SMCHD1: variants seen among roughly 807,000 people sequenced by gnomAD.
The protein encoded by SMCHD1 is structural maintenance of chromosomes flexible hinge domain-containing protein 1.
A neutral mutation model predicts 254.7 loss-of-function variants in SMCHD1; 78 were observed. The ratio of observed to expected loss-of-function variants is 0.31; its 90% CI spans 0.26 to 0.37. SMCHD1 has a LOEUF of 0.37. Ranked by LOEUF, SMCHD1 falls within the 10% of genes least tolerant of loss-of-function variation. SMCHD1 has a pLI of 1.00. For missense variants in SMCHD1, 1,840 were observed against 2,408.1 expected (o/e 0.76, Z 4.94); for synonymous variants, 766 against 794.9 (o/e 0.96, Z 0.61).
chr18:2,788,629 G>C (rs1163218754), intron 45 of SMCHD1, among the ~76,000 whole-genome samples: 1 of 151,916 alleles, frequency 6.6e-6, no homozygotes, highest in African/African-American at 2.4e-5. Context: ...TTTTGAGACA[G>C]AGTCTCGCTC....
At chr18:2,739,664 A>T in intron 27 of SMCHD1, 144 bp downstream of exon 27, 1 of 612,448 alleles carries the variant, frequency 1.6e-6, no homozygotes, top group Non-Finnish European at 2.8e-6. Context: ...GTCAGATAAG[A>T]TTGAAGTATT....
chr18:2,752,497 T>A lies in SMCHD1; in HGVS notation c.4291T>A (p.Phe1431Ile). Residue 1431 changes from phenylalanine (F) to isoleucine (I), a missense_variant, in exon 34 of 48, where the codon TTT becomes ATT. Coordinates refer to ENST00000320876, the MANE Select transcript of SMCHD1 (RefSeq NM_015295.3). ...GNRPPANAET[F>I]SCNKIKDNDK... ...CTACTCCCCTTTCTAGGCAGAAACATTTAGTTGTAATAAAATAAAAGATAA... is the reference window on the plus strand; with the variant it reads ...CTACTCCCCTTTCTAGGCAGAAACAATTAGTTGTAATAAAATAAAAGATAA... 6.2e-7 allele frequency: 1 copy of A among 1,601,436 alleles called. No individual in the cohort carries two copies. The highest frequency in any genetic ancestry group is 8.6e-7 in the Non-Finnish European group (1 of 1,169,108).
At chr18:2,784,318 C>A (rs1395836112) in intron 44 of SMCHD1, 132 bp from the exon 45 acceptor site, 2 of 683,440 alleles carry the variant, frequency 2.9e-6, no homozygotes, top group Non-Finnish European at 4.6e-6. Flanking sequence ...TTACATATTG[C>A]TAGTTACTAA....
At chr18:2,680,085 T>G (rs1009038231) in intron 5 of SMCHD1, among the ~76,000 whole-genome samples, 1 of 152,124 alleles carries the variant, frequency 6.6e-6, no homozygotes, top group Non-Finnish European at 1.5e-5. Context: ...CTCTGTTTGG[T>G]GAAATACATT....
intron 21 of SMCHD1, 56 bp downstream of exon 21, chr18:2,725,051 TA>T: frequency 9.4e-7 from 1 of 1,064,750 alleles, no homozygotes; most frequent in Non-Finnish European, 1.3e-6. Flanking sequence ...TATCATATGG[TA>T]AGAATGAAAT....
chr18:2,770,718 T>A (rs1266608216), intron 39 of SMCHD1, among the ~76,000 whole-genome samples: 1 of 152,150 alleles, frequency 6.6e-6, no homozygotes, highest in Non-Finnish European at 1.5e-5. Context: ...CCTCCCAAGT[T>A]CAAGTGATTC....
rs745488681 is a variant in SMCHD1 at position 2,732,534 on chromosome 18, A to G, written c.3276+42A>G. The G allele has an allele frequency of 5.1e-5, 67 of 1,323,544 alleles. No individual in the cohort carries two copies. In the Admixed American group the frequency reaches 8.0e-4, roughly 16 times the overall value. 82.0% of individuals were successfully genotyped at this position (1,323,544 alleles called of 1,614,324 possible). On this transcript the variant is annotated intron_variant, in intron 25 of 47. Transcript: ENST00000320876. ...GATTGGTTATTTGTAAGAACTTTTTAAATTTTATGTTTGTAAGACTGAACA... is the reference window on the plus strand; with the variant it reads ...GATTGGTTATTTGTAAGAACTTTTTGAATTTTATGTTTGTAAGACTGAACA...
rs2074453046 is a variant in SMCHD1 at position 2,703,678 on chromosome 18, T to C, written c.1648-14T>C. ...TAGTAGCTATATTTCATAAAACATT[T>C]TAAAATTCTACAGGAACAGCGAATG... On this transcript the variant is annotated splice_polypyrimidine_tract_variant and intron_variant, in intron 12 of 47. Transcript: ENST00000320876. The C allele has an allele frequency of 1.3e-6, 2 of 1,592,968 alleles. No individual in the cohort carries two copies. Among genetic ancestry groups the C allele is most frequent in the Admixed American group, 1.8e-5 (1 of 54,382 alleles).
At chr18:2,756,258 G>A (rs1457537607) in intron 34 of SMCHD1, among the ~76,000 whole-genome samples, 3 of 152,116 alleles carry the variant, frequency 2.0e-5, no homozygotes, top group Non-Finnish European at 4.4e-5. Context: ...TATCGATGGA[G>A]GTGTTTTGCT....
intron 3 of SMCHD1, 137 bp downstream of exon 3, chr18:2,667,168 A>G (rs886789254): frequency 2.1e-5 from 14 of 677,676 alleles, no homozygotes; most frequent in African/African-American, 1.6e-4. Flanking sequence ...TTCTTACTCA[A>G]ATTCATCACG....
intron 3 of SMCHD1, among the ~76,000 whole-genome samples, chr18:2,668,381 G>A (rs2073496668): frequency 6.6e-6 from 1 of 152,162 alleles, no homozygotes; most frequent in African/African-American, 2.4e-5. Flanking sequence ...ATCCTGTGTG[G>A]TAGCTAATGT....
At chr18:2,658,496 C>G (rs1217201033) in intron 1 of SMCHD1, among the ~76,000 whole-genome samples, 2 of 152,102 alleles carry the variant, frequency 1.3e-5, no homozygotes, top group African/African-American at 4.8e-5. Context: ...ACTGGAAAAC[C>G]AAGGAAAATA....
intron 25 of SMCHD1, among the ~76,000 whole-genome samples, chr18:2,734,316 CTCTCT>C (rs1236000439): frequency 1.3e-5 from 2 of 152,168 alleles, no homozygotes; most frequent in Non-Finnish European, 2.9e-5. Flanking sequence ...CCATTTCCTC[CTCTCT>C]TAAGAAGTTT....
chr18:2,656,812 C>T (rs961389877), intron 1 of SMCHD1, among the ~76,000 whole-genome samples: 3 of 152,150 alleles, frequency 2.0e-5, no homozygotes, highest in African/African-American at 7.2e-5. Context: ...GGGGATCCTT[C>T]CGCACGGAGA....
At chr18:2,673,669 T>C (rs1178139374) in intron 4 of SMCHD1, among the ~76,000 whole-genome samples, 1 of 152,180 alleles carries the variant, frequency 6.6e-6, no homozygotes, top group Non-Finnish European at 1.5e-5. Context: ...ATATAAATTG[T>C]GTAGTTTGTG....
chr18:2,746,363 A>C (rs1432317653), intron 29 of SMCHD1, among the ~76,000 whole-genome samples: 1 of 152,238 alleles, frequency 6.6e-6, no homozygotes, highest in Non-Finnish European at 1.5e-5. Flanking sequence ...GATAACCTTT[A>C]AAAGTAGATA....
rs2075935604 is a variant in SMCHD1 at position 2,769,500 on chromosome 18, A to T, written c.4720-194A>T. Among the ~76,000 whole-genome samples the T allele has an allele frequency of 3.9e-5, 6 of 152,210 alleles. No individual in the cohort carries two copies. The South Asian group carries it at 1.2e-3, about 31-fold the overall frequency. On this transcript the variant is annotated intron_variant, in intron 37 of 47. Transcript: ENST00000320876. Reference sequence around the variant, plus strand: ...ATTTGGCTTTCAAACCAATACCAGAAGGTAAAAAGTTGTATGTCTTGGGTA... The same window carrying T: ...ATTTGGCTTTCAAACCAATACCAGATGGTAAAAAGTTGTATGTCTTGGGTA...
intron 34 of SMCHD1, among the ~76,000 whole-genome samples, chr18:2,759,256 T>C (rs1456390400): frequency 6.6e-6 from 1 of 152,180 alleles, no homozygotes; most frequent in Non-Finnish European, 1.5e-5. Context: ...CTGTCCGTTG[T>C]CTGGGCTGCT....
chr18:2,767,929 T>C (rs2075899808), intron 37 of SMCHD1, among the ~76,000 whole-genome samples: 1 of 152,128 alleles, frequency 6.6e-6, no homozygotes, highest in Admixed American at 6.5e-5. Flanking sequence ...CTGTACAGTA[T>C]GTGACTGTAC....
Sources: gnomAD v4.1 joint callset for allele counts (sites outside exome capture counted in the v4.1 genomes callset) on GRCh38, gnomAD v4.1.1 for gene constraint, MANE v1.5 for transcripts, NCBI Gene and HGNC (gene_info 2026-07-23, HGNC 2026-07-21) for gene names.